KIAA1328: variants seen among roughly 807,000 people sequenced by gnomAD.
KIAA1328 encodes the protein KIAA1328.
In KIAA1328, 52 loss-of-function variants were observed where a neutral mutation model predicts 68.1. The ratio of observed to expected loss-of-function variants is 0.76; its 90% CI spans 0.61 to 0.96. KIAA1328 has a LOEUF of 0.96. KIAA1328 is among the 40% of genes least tolerant of loss of function. The pLI, the probability that KIAA1328 is intolerant of heterozygous loss-of-function variation, is 0.00. For missense variants in KIAA1328, 641 were observed against 677.6 expected (o/e 0.95, Z 0.60); for synonymous variants, 232 against 239.4 (o/e 0.97, Z 0.28).
chr18:37,226,596 G>A (rs770972439), downstream of KIAA1328, among the ~76,000 whole-genome samples: 3 of 151,898 alleles, frequency 2.0e-5, no homozygotes, highest in Admixed American at 2.0e-4. Flanking sequence ...CGTTTTCAAG[G>A]TTCATTTATG....
chr18:37,088,993 T>C (rs1284331546), intron 7 of KIAA1328, among the ~76,000 whole-genome samples: 2 of 152,200 alleles, frequency 1.3e-5, no homozygotes, highest in African/African-American at 2.4e-5. Flanking sequence ...CTTACAAATA[T>C]ATACAACATG....
chr18:37,169,519 T>TTGTG (rs377291936), intron 8 of KIAA1328, among the ~76,000 whole-genome samples: 2 of 149,844 alleles, frequency 1.3e-5, no homozygotes, highest in South Asian at 2.1e-4. Flanking sequence ...GTGTCTGTGT[T>TTGTG]TGTGTGTGTG....
intron 5 of KIAA1328, among the ~76,000 whole-genome samples, chr18:36,909,796 G>T (rs1598675666): frequency 2.0e-5 from 3 of 152,172 alleles, no homozygotes; most frequent in African/African-American, 4.8e-5. Flanking sequence ...TCCAGCACCT[G>T]TTGTTTCCTG....
chr18:36,954,253 C>T (rs1307741922), intron 5 of KIAA1328, among the ~76,000 whole-genome samples: 2 of 152,064 alleles, frequency 1.3e-5, no homozygotes, highest in Non-Finnish European at 2.9e-5. Context: ...CCACCCGCCT[C>T]GGCCTCCCAA....
chr18:37,044,798 C>CA (rs35937835), intron 6 of KIAA1328, among the ~76,000 whole-genome samples: 23,150 of 80,454 alleles, frequency 0.29, 2,145 homozygotes, highest in African/African-American at 0.32. Flanking sequence ...GACTCCGGCT[C>CA]AAAAAAAAAA....
chr18:37,030,498 A>G (rs149837429), intron 6 of KIAA1328, among the ~76,000 whole-genome samples: 2,409 of 152,168 alleles, frequency 0.016, 38 homozygotes, highest in Non-Finnish European at 0.02. Flanking sequence ...TAATTCCCTT[A>G]TTGTCAGAAA....
At chr18:37,064,265 T>C (rs1161677054) in intron 6 of KIAA1328, among the ~76,000 whole-genome samples, 1 of 152,162 alleles carries the variant, frequency 6.6e-6, no homozygotes, top group African/African-American at 2.4e-5. Flanking sequence ...ACTACAGTCA[T>C]TCAATTAAAA....
intron 7 of KIAA1328, among the ~76,000 whole-genome samples, chr18:37,142,327 G>A (rs1373938174): frequency 6.6e-6 from 1 of 151,918 alleles, no homozygotes; most frequent in Non-Finnish European, 1.5e-5. Flanking sequence ...GAGTAGCTGG[G>A]ATTACAGGCG....
chr18:36,957,467 AAGTTAGC>A (rs2051468148), intron 5 of KIAA1328, among the ~76,000 whole-genome samples: 1 of 152,164 alleles, frequency 6.6e-6, no homozygotes, highest in Non-Finnish European at 1.5e-5. Flanking sequence ...CTGGTCTGCA[AAGTTAGC>A]TGACATTTTC....
chr18:37,121,614 T>G (rs2058273876), intron 7 of KIAA1328, among the ~76,000 whole-genome samples: 1 of 152,076 alleles, frequency 6.6e-6, no homozygotes, highest in African/African-American at 2.4e-5. Flanking sequence ...GAAAAATGAT[T>G]TTTAGCTGTA....
chr18:37,105,270 A>T (rs984507029), intron 7 of KIAA1328, among the ~76,000 whole-genome samples: 5 of 152,228 alleles, frequency 3.3e-5, no homozygotes, highest in Admixed American at 3.3e-4. Flanking sequence ...TGAGAGGCCA[A>T]GCCATGAGGA....
At chr18:36,942,270 C>T (rs568592861) in intron 5 of KIAA1328, among the ~76,000 whole-genome samples, 1 of 152,330 alleles carries the variant, frequency 6.6e-6, no homozygotes, top group South Asian at 2.1e-4. Context: ...CTGCCTGCAC[C>T]TGGTGTTTCT....
chr18:37,212,776 A>G (rs1051079589), intron 9 of KIAA1328, among the ~76,000 whole-genome samples: 4 of 152,138 alleles, frequency 2.6e-5, no homozygotes, highest in African/African-American at 4.8e-5. Context: ...GCTGGAGTGC[A>G]CTGGCACAAT....
At chr18:37,047,393 A>C (rs1208153680) in intron 6 of KIAA1328, among the ~76,000 whole-genome samples, 1 of 152,152 alleles carries the variant, frequency 6.6e-6, no homozygotes, top group Non-Finnish European at 1.5e-5. Context: ...AGATGGGCAT[A>C]AGGAATTAAA....
chr18:37,145,642 T>C (rs1037785129), intron 7 of KIAA1328, among the ~76,000 whole-genome samples: 1 of 152,232 alleles, frequency 6.6e-6, no homozygotes, highest in Non-Finnish European at 1.5e-5. Flanking sequence ...TTGTTCTAGA[T>C]GCATATGTGT....
intron 4 of KIAA1328, among the ~76,000 whole-genome samples, chr18:36,877,029 T>G (rs2048150701): frequency 6.6e-6 from 1 of 152,242 alleles, no homozygotes; most frequent in African/African-American, 2.4e-5. Context: ...GATTGCACTG[T>G]GGTCTGTGAG....
rs190053739 is a variant in KIAA1328, at chr18:36,876,353, C to T, written c.333-9204C>T. 2.3e-3 allele frequency among the ~76,000 whole-genome samples: 349 copies of T among 152,182 alleles called. 2 individuals carry two copies. The highest frequency in any genetic ancestry group is 4.8e-3 in the Admixed American group (74 of 15,272). The stretch of plus-strand genomic sequence containing the variant: ...ATTAATTACTGCCTCAATTTCAGGA[C>T]TTGCTATTGGTCTGTTCAGGGATTC... On this transcript the variant is annotated intron_variant, in intron 4 of 9. Transcript: ENST00000280020.
chr18:37,144,021 T>C (rs1453174932), intron 7 of KIAA1328, among the ~76,000 whole-genome samples: 1 of 152,184 alleles, frequency 6.6e-6, no homozygotes, highest in African/African-American at 2.4e-5. Flanking sequence ...TTATATGTGA[T>C]AAAATTTACC....
intron 6 of KIAA1328, among the ~76,000 whole-genome samples, chr18:36,961,422 C>T (rs2051667506): frequency 6.6e-6 from 1 of 152,118 alleles, no homozygotes; most frequent in South Asian, 2.1e-4. Flanking sequence ...ACTTCCCCAA[C>T]CAAGCAAGGC....
Sources: allele counts gnomAD v4.1 joint callset (sites outside exome capture counted in the v4.1 genomes callset), GRCh38; gene constraint gnomAD v4.1.1; transcripts MANE v1.5; gene names NCBI Gene and HGNC (gene_info 2026-07-23, HGNC 2026-07-21).